Variants in MAP3K7 observed in about 807,000 individuals in gnomAD.
MAP3K7 encodes TGF-beta activated kinase 1.
Under a neutral mutation model 84.8 loss-of-function variants are expected in MAP3K7, and 21 were observed. The ratio of observed to expected loss-of-function variants is 0.25; its 90% CI spans 0.18 to 0.36. MAP3K7 has a LOEUF of 0.36. Ranked by LOEUF, MAP3K7 falls within the 10% of genes least tolerant of loss-of-function variation. The probability of loss-of-function intolerance (pLI) is 1.00; values close to 1 mark genes in which losing one functional copy is unlikely to be tolerated. For missense variants in MAP3K7, 503 were observed against 747.7 expected, an observed-to-expected ratio of 0.67 and a Z score of 3.82; for synonymous variants, 241 against 247.7, an observed-to-expected ratio of 0.97 and a Z score of 0.25.
In MAP3K7 at chr6:90,516,599, A is replaced by C. The variant is rs762857691; in HGVS notation, c.1723T>G (p.Leu575Val). The C allele has an allele frequency of 1.2e-6, 2 of 1,612,626 alleles. No individual in the cohort carries two copies. Among genetic ancestry groups the C allele is most frequent in the Non-Finnish European group, 1.7e-6 (2 of 1,179,092 alleles). The change falls in exon 17 of 17, where the codon TTA (leucine) becomes GTA (valine). Residue 575 changes from leucine to valine, a missense_variant. Around this residue, in one of 5 missense-constraint regions of MAP3K7, gnomAD observed 43 missense variants for 47.3 expected, o/e 0.91. Coordinates refer to ENST00000369329, the MANE Select transcript of MAP3K7 (RefSeq NM_145331.3). ...GTAGAAAGGCTTTTGTTTTCATCTAAAAGCTTTTTATGTTCCTGTACCAGG... is the reference window on the plus strand; with the variant it reads ...GTAGAAAGGCTTTTGTTTTCATCTACAAGCTTTTTATGTTCCTGTACCAGG... ...SRLVQEHKKL[L>V]DENKSLSTYY...
In MAP3K7 at chr6:90,519,349, TTC is replaced by T. The variant is rs768944801; in HGVS notation, c.1463-32_1463-31del. The T allele has an allele frequency of 1.7e-5, 25 of 1,434,230 alleles. No individual in the cohort carries two copies. In the African/African-American group the frequency reaches 3.4e-4, roughly 19 times the overall value. 88.8% of individuals were successfully genotyped at this position (1,434,230 alleles called of 1,614,324 possible). On this transcript the variant is annotated intron_variant, in intron 14 of 16. Coordinates refer to ENST00000369329, the MANE Select transcript of MAP3K7 (RefSeq NM_145331.3). ...AATTCAAGCATGTATTTTATTGATT[TTC>T]TGTCACAAATAATTATAAACGAACA...
intron 1 of MAP3K7, among the ~76,000 whole-genome samples, chr6:90,577,555 G>C (rs1460230684): frequency 3.3e-5 from 5 of 152,174 alleles, no homozygotes; most frequent in Non-Finnish European, 2.9e-5. Flanking sequence ...TAGATCACAA[G>C]AGAGGAGAAG....
chr6:90,541,185 A>T (rs890084796), intron 12 of MAP3K7, among the ~76,000 whole-genome samples: 1 of 152,042 alleles, frequency 6.6e-6, no homozygotes, highest in South Asian at 2.1e-4. Flanking sequence ...AATGTAACAA[A>T]TTAGATGTAC....
In MAP3K7 at chr6:90,584,445, A is replaced by G. The variant is rs1582252983; in HGVS notation, c.120+2319T>C. Among the ~76,000 whole-genome samples the G allele has an allele frequency of 3.9e-5, 6 of 152,258 alleles. No individual in the cohort carries two copies. The South Asian group carries it at 1.2e-3, about 32-fold the overall frequency. Reference sequence around the variant, plus strand: ...AACCCAAATGACTGCCTGATATTAGAAACAAATTTTCATCTAAAAACAAAA... The same window carrying G: ...AACCCAAATGACTGCCTGATATTAGGAACAAATTTTCATCTAAAAACAAAA... On this transcript the variant is annotated intron_variant, in intron 1 of 16. Transcript: ENST00000369329.
At chr6:90,540,220 T>C (rs1775812060) in intron 12 of MAP3K7, among the ~76,000 whole-genome samples, 1 of 151,834 alleles carries the variant, frequency 6.6e-6, no homozygotes, top group African/African-American at 2.4e-5. Context: ...AAAATCCTCT[T>C]TGGTCAAGGC....
intron 6 of MAP3K7, among the ~76,000 whole-genome samples, chr6:90,555,341 C>T (rs1361408318): frequency 2.0e-5 from 3 of 151,968 alleles, no homozygotes; most frequent in African/African-American, 7.3e-5. Flanking sequence ...CTGCATGCTC[C>T]GCCTCCCGGG....
intron 12 of MAP3K7, among the ~76,000 whole-genome samples, chr6:90,539,667 A>C (rs1775793110): frequency 6.6e-6 from 1 of 151,892 alleles, no homozygotes; most frequent in South Asian, 2.1e-4. Context: ...CTATTAAAAA[A>C]GTGATATTTT....
chr6:90,521,419 T>C (rs2127956061), intron 14 of MAP3K7, among the ~76,000 whole-genome samples: 1 of 152,198 alleles, frequency 6.6e-6, no homozygotes, highest in East Asian at 1.9e-4. Flanking sequence ...TCTTTGAGTA[T>C]GCATTCCCTT....
In MAP3K7 at chr6:90,536,401, C is replaced by T. The variant is rs772656967; in HGVS notation, c.1292G>A (p.Gly431Asp). The change falls in exon 13 of 17, where the codon GGC becomes GAC. Residue 431 changes from glycine (G) to aspartate (D), a missense_variant and splice_region_variant. Physicochemically the swap from Gly to Asp is moderately conservative, Grantham distance 94. Transcript: ENST00000369329. ...GGATCTACGTCTTGGCTGTCCGTTG[C>T]CTTTAAAAAGAAGAAAAAAAGTAAA... ...ILDVPEIVISGNGQPRRRSIQ... is the reference protein window; with the variant it reads ...ILDVPEIVISDNGQPRRRSIQ... 37 of 1,610,328 alleles carry T rather than the reference C, an allele frequency of 2.3e-5. No individual in the cohort carries two copies. In the East Asian group the frequency reaches 8.3e-4, roughly 36 times the overall value.
chr6:90,536,884 A>G (rs1775698551), intron 12 of MAP3K7: 1 of 154,278 alleles, frequency 6.5e-6, no homozygotes, highest in Admixed American at 6.4e-5. Flanking sequence ...TAAATTTGTT[A>G]TATTGAGTCA....
intron 4 of MAP3K7, among the ~76,000 whole-genome samples, chr6:90,560,708 G>C (rs986905073): frequency 6.6e-6 from 1 of 152,018 alleles, no homozygotes; most frequent in South Asian, 2.1e-4. Context: ...TACTAATTTT[G>C]AGTGGATAAT....
chr6:90,553,529 A>C lies in MAP3K7; in HGVS notation c.665T>G (p.Val222Gly). ...VFSWGIILWEVITRRKPFDEI... is the reference protein window; with the variant it reads ...VFSWGIILWEGITRRKPFDEI... ...ATCAAAGGGTTTCCGACGCGTTATC[A>C]CTTCCCAAAGAATAATACCCCAGCT... Residue 222 changes from valine (V) to glycine (G), a missense_variant, in exon 7 of 17, where the codon GTG becomes GGG. Val to Gly is a moderately radical substitution (Grantham distance 109). Around this residue, in one of 5 missense-constraint regions of MAP3K7, gnomAD observed 97 missense variants for 270.8 expected, o/e 0.36. Transcript: ENST00000369329. The C allele has an allele frequency of 6.2e-7, 1 of 1,613,988 alleles. No individual in the cohort carries two copies. The highest frequency in any genetic ancestry group is 8.5e-7 in the Non-Finnish European group (1 of 1,179,932).
chr6:90,572,909 G>T (rs903992490), intron 1 of MAP3K7, among the ~76,000 whole-genome samples: 3 of 152,124 alleles, frequency 2.0e-5, no homozygotes, highest in Admixed American at 6.5e-5. Flanking sequence ...AAGGACCTTA[G>T]TTAAGCACCA....
chr6:90,519,030 C>T (rs1334534330), intron 15 of MAP3K7, among the ~76,000 whole-genome samples: 4 of 151,764 alleles, frequency 2.6e-5, no homozygotes, highest in African/African-American at 9.7e-5. Flanking sequence ...AAGAAAGATA[C>T]TGGAGGATTT....
chr6:90,538,570 A>G (rs1253637368), intron 12 of MAP3K7, among the ~76,000 whole-genome samples: 1 of 151,918 alleles, frequency 6.6e-6, no homozygotes, highest in Non-Finnish European at 1.5e-5. Context: ...ATGTCTTATA[A>G]TAGAGAACAA....
chr6:90,534,606 C>CAATA (rs546880208), intron 13 of MAP3K7, among the ~76,000 whole-genome samples: 52 of 152,188 alleles, frequency 3.4e-4, no homozygotes, highest in South Asian at 8.3e-4. Flanking sequence ...CGTTTTACTA[C>CAATA]CTGAAGGTAT....
chr6:90,526,236 A>G (rs1775317122), intron 13 of MAP3K7, among the ~76,000 whole-genome samples: 1 of 152,216 alleles, frequency 6.6e-6, no homozygotes, highest in Admixed American at 6.5e-5. Flanking sequence ...TGAACTCCAT[A>G]AAAAACAAGC....
intron 1 of MAP3K7, among the ~76,000 whole-genome samples, chr6:90,575,851 A>G (rs561407210): frequency 3.9e-5 from 6 of 152,162 alleles, no homozygotes; most frequent in South Asian, 4.1e-4. Context: ...CCTTAAACCA[A>G]TATTTCTTTA....
intron 1 of MAP3K7, among the ~76,000 whole-genome samples, chr6:90,576,213 G>A (rs1777070436): frequency 6.6e-6 from 1 of 151,886 alleles, no homozygotes; most frequent in Admixed American, 6.6e-5. Context: ...CACGAGGTCA[G>A]GAGATTGAGA....
Sources: allele counts gnomAD v4.1 joint callset (sites outside exome capture counted in the v4.1 genomes callset), GRCh38; gene constraint gnomAD v4.1.1; regional missense constraint gnomAD v4.1.1; transcripts MANE v1.5; gene names NCBI Gene and HGNC (gene_info 2026-07-23, HGNC 2026-07-21).